The following KIRREL3 variants were observed in gnomAD, a reference collection of about 807,000 sequenced individuals.
KIRREL3 encodes the protein kin of IRRE-like protein 3.
KIRREL3 carries 36 observed loss-of-function variants against 89.7 expected under a neutral mutation model. The observed-to-expected ratio is 0.40, with a 90% CI of 0.31 to 0.53. The LOEUF (loss-of-function observed/expected upper bound fraction) is 0.53. KIRREL3 is among the 20% of genes least tolerant of loss of function. The pLI is 0.49. For missense variants in KIRREL3, 864 were observed against 1,056.6 expected (o/e 0.82, Z 2.53); for synonymous variants, 445 against 441.4 (o/e 1.01, Z -0.10).
At chr11:126,741,715 A>G (rs1276898680) in intron 1 of KIRREL3, among the ~76,000 whole-genome samples, 1 of 152,228 alleles carries the variant, frequency 6.6e-6, no homozygotes, top group Non-Finnish European at 1.5e-5. Context: ...GATGTGAAAA[A>G]TTCAGAATGT....
rs1950643245 is a variant in KIRREL3 at position 126,791,637 on chromosome 11, G to A, written c.55+208818C>T. 6.6e-6 allele frequency among the ~76,000 whole-genome samples: 1 copy of A among 152,210 alleles called. No individual in the cohort carries two copies. The highest frequency in any genetic ancestry group is 1.5e-5 in the Non-Finnish European group (1 of 68,036). ...GCAGTTTCGAAGCCCATAGCCAGGG[G>A]TCAGCCATCCAGGCCACAGGGTCCA... On this transcript the variant is annotated intron_variant, in intron 1 of 16. Transcript: ENST00000525144. The surrounding 1 kb of genome is among the most constrained non-coding windows in gnomAD (Gnocchi z 4.8).
chr11:126,632,772 G>GTATGCAGCAAC (rs1944094036), intron 1 of KIRREL3, among the ~76,000 whole-genome samples: 1 of 28,856 alleles, frequency 3.5e-5, no homozygotes, highest in Non-Finnish European at 6.9e-5. Context: ...CCAATGCCCA[G>GTATGCAGCAAC]GCACTTGGAG....
chr11:126,919,054 A>G (rs1268595012), intron 1 of KIRREL3, among the ~76,000 whole-genome samples: 1 of 151,058 alleles, frequency 6.6e-6, no homozygotes, highest in African/African-American at 2.4e-5. Flanking sequence ...TATATATAAT[A>G]TGATGTATTG....
chr11:126,727,120 C>G (rs1948418756), intron 1 of KIRREL3, among the ~76,000 whole-genome samples: 1 of 152,208 alleles, frequency 6.6e-6, no homozygotes, highest in Non-Finnish European at 1.5e-5. Flanking sequence ...TAGCATGGAG[C>G]CTGGTCCATA....
intron 1 of KIRREL3, among the ~76,000 whole-genome samples, chr11:126,901,102 T>A (rs1946351721): frequency 6.6e-6 from 1 of 151,176 alleles, no homozygotes. Context: ...TAACCCCAGC[T>A]ACTCAGGAGG....
chr11:126,959,895 G>C (rs1395539006), intron 1 of KIRREL3, among the ~76,000 whole-genome samples: 2 of 152,108 alleles, frequency 1.3e-5, no homozygotes, highest in Non-Finnish European at 2.9e-5. Flanking sequence ...TAGACCACGT[G>C]TCACCATTGC....
rs1049706190 is a variant in KIRREL3, at chr11:126,876,210, G to A, written c.55+124245C>T. 6.6e-6 allele frequency among the ~76,000 whole-genome samples: 1 copy of A among 152,186 alleles called. No individual in the cohort carries two copies. The highest frequency in any genetic ancestry group is 2.4e-5 in the African/African-American group (1 of 41,436). ...TCTTTTCTCTCAAGAATAAGCATTGGCAAGTTCTTTTCATGGACCAAGATT... is the reference window on the plus strand; with the variant it reads ...TCTTTTCTCTCAAGAATAAGCATTGACAAGTTCTTTTCATGGACCAAGATT... On this transcript the variant is annotated intron_variant, in intron 1 of 16. Coordinates refer to ENST00000525144, the MANE Select transcript of KIRREL3 (RefSeq NM_032531.4). This position sits in a 1 kb window ranked among gnomAD's most constrained non-coding sequence, Gnocchi z 4.1.
At chr11:126,451,720 G>A (rs1036432928) in intron 7 of KIRREL3, among the ~76,000 whole-genome samples, 2 of 152,224 alleles carry the variant, frequency 1.3e-5, no homozygotes. Flanking sequence ...GTGTGAGCAC[G>A]TGCATATGCA....
Position 126,522,332 on chromosome 11 carries a change from G to A in KIRREL3, c.284-868C>T, listed in dbSNP as rs1958624421. ...AGAGAAATGTTTGGAAAAGGATCAA[G>A]AGTGACTTTGCAAAAATTTTGTTTC... On this transcript the variant is annotated intron_variant, in intron 3 of 16. Transcript: ENST00000525144. The surrounding 1 kb of genome is among the most constrained non-coding windows in gnomAD (Gnocchi z 6.0). Among the ~76,000 whole-genome samples the A allele has an allele frequency of 6.6e-6, 1 of 152,176 alleles. No individual in the cohort carries two copies. The highest frequency in any genetic ancestry group is 2.4e-5 in the African/African-American group (1 of 41,430).
Position 126,614,978 on chromosome 11 carries a change from C to T in KIRREL3, c.56-52066G>A, listed in dbSNP as rs1943283449. Among the ~76,000 whole-genome samples, 1 of 151,926 alleles carries T rather than the reference C, an allele frequency of 6.6e-6. No homozygotes were observed. Among genetic ancestry groups the T allele is most frequent in the South Asian group, 2.1e-4 (1 of 4,798 alleles). ...TCGAGTGGAACTGGGACTGTTTAGC[C>T]TAGAAAAGGGGGGACTTGGGGAGAG... On this transcript the variant is annotated intron_variant, in intron 1 of 16. Transcript: ENST00000525144. The surrounding 1 kb of genome is among the most constrained non-coding windows in gnomAD (Gnocchi z 4.6).
Position 126,431,382 on chromosome 11 carries a change from G to T in KIRREL3, c.1696+37C>A, listed in dbSNP as rs1955121663. 2 of 1,611,378 alleles carry T rather than the reference G, an allele frequency of 1.2e-6. No homozygotes were observed. Among genetic ancestry groups the T allele is most frequent in the South Asian group, 2.2e-5 (2 of 90,526 alleles). Reference sequence around the variant, plus strand: ...CAGCCTAAGCCTGGCCTTTTTCTCTGTCCCCCTCCCTGAGATCCCGGATCT... The same window carrying T: ...CAGCCTAAGCCTGGCCTTTTTCTCTTTCCCCCTCCCTGAGATCCCGGATCT... On this transcript the variant is annotated intron_variant, in intron 14 of 16. Transcript: ENST00000525144. The surrounding 1 kb of genome is among the most constrained non-coding windows in gnomAD (Gnocchi z 7.1).
chr11:126,426,261 A>G (rs1333383183), intron 15 of KIRREL3, among the ~76,000 whole-genome samples: 1 of 152,152 alleles, frequency 6.6e-6, no homozygotes, highest in Non-Finnish European at 1.5e-5. Flanking sequence ...AGGAATAACC[A>G]TCTGTGAGAT....
chr11:126,680,638 C>T (rs1310308236), intron 1 of KIRREL3, among the ~76,000 whole-genome samples: 2 of 151,550 alleles, frequency 1.3e-5, no homozygotes, highest in Admixed American at 6.6e-5. Context: ...GAGTAATTGC[C>T]TTAACTAGGG....
rs549723041 is a variant in KIRREL3 at position 126,429,479 on chromosome 11, G to A, written c.1697-191C>T. 6.7e-4 allele frequency among the ~76,000 whole-genome samples: 102 copies of A among 152,296 alleles called. No individual in the cohort carries two copies. Among genetic ancestry groups the A allele is most frequent in the Admixed American group, 1.3e-3 (20 of 15,308 alleles). On this transcript the variant is annotated intron_variant, in intron 14 of 16. Coordinates refer to ENST00000525144, the MANE Select transcript of KIRREL3 (RefSeq NM_032531.4). This position sits in a 1 kb window ranked among gnomAD's most constrained non-coding sequence, Gnocchi z 5.2. ...AGATGCTGTGGGTGTTTGGGCCTCA[G>A]AGGAGGCTGACCCCATGGCCGGCCT...
chr11:126,603,524 C>T (rs1346160660), intron 1 of KIRREL3, among the ~76,000 whole-genome samples: 1 of 152,254 alleles, frequency 6.6e-6, no homozygotes, highest in Non-Finnish European at 1.5e-5. Context: ...ACAGAAACCT[C>T]AATGGCTGGC....
intron 1 of KIRREL3, among the ~76,000 whole-genome samples, chr11:126,745,636 G>C (rs1949123478): frequency 6.6e-6 from 1 of 152,192 alleles, no homozygotes; most frequent in Non-Finnish European, 1.5e-5. Flanking sequence ...ACAGGAGATG[G>C]GGAGATAAGA....
At chr11:126,577,244 T>G (rs2134649992) in intron 1 of KIRREL3, among the ~76,000 whole-genome samples, 1 of 152,016 alleles carries the variant, frequency 6.6e-6, no homozygotes, top group African/African-American at 2.4e-5. Context: ...ATAAGCTGAG[T>G]GAGTTTGGGT....
intron 1 of KIRREL3, among the ~76,000 whole-genome samples, chr11:126,910,776 T>C (rs913751832): frequency 6.6e-6 from 1 of 152,202 alleles, no homozygotes; most frequent in African/African-American, 2.4e-5. Context: ...TATTCTGATA[T>C]AATGCAGTAA....
rs1183900655 is a variant in KIRREL3, at chr11:126,496,678, T to C, written c.434-23212A>G. Among the ~76,000 whole-genome samples the C allele has an allele frequency of 6.6e-6, 1 of 152,080 alleles. No individual in the cohort carries two copies. The highest frequency in any genetic ancestry group is 1.9e-4 in the East Asian group (1 of 5,184). On this transcript the variant is annotated intron_variant, in intron 4 of 16. Transcript: ENST00000525144. The surrounding 1 kb of genome is among the most constrained non-coding windows in gnomAD (Gnocchi z 4.9). ...TAGGTGTCAAGAGACTGAGGGCTAC[T>C]CTTGGCTTCTTGTATCTGCCAAAAC...
Sources: allele counts gnomAD v4.1 joint callset (sites outside exome capture counted in the v4.1 genomes callset), GRCh38; gene constraint gnomAD v4.1.1; non-coding constraint Gnocchi (gnomAD v3.1); transcripts MANE v1.5; gene names NCBI Gene and HGNC (gene_info 2026-07-23, HGNC 2026-07-21).